NUP205: variants seen among roughly 807,000 people sequenced by gnomAD.
The protein encoded by NUP205 is nucleoporin 205.
Under a neutral mutation model 253.8 loss-of-function variants are expected in NUP205, and 76 were observed. The ratio of observed to expected loss-of-function variants is 0.30; its 90% CI spans 0.25 to 0.36. The LOEUF (loss-of-function observed/expected upper bound fraction) is 0.36, where lower values mean the gene tolerates loss of function less well. Among genes scored for constraint, NUP205 ranks in the 10% least tolerant of loss-of-function variants. The pLI, the probability that NUP205 is intolerant of heterozygous loss-of-function variation, is 1.00. For missense variants in NUP205, 2,162 were observed against 2,425.5 expected (o/e 0.89, Z 2.28); for synonymous variants, 832 against 850.1 (o/e 0.98, Z 0.37).
intron 20 of NUP205, 68 bp downstream of exon 20, chr7:135,606,294 C>A: frequency 2.0e-6 from 2 of 1,012,426 alleles, no homozygotes; most frequent in Non-Finnish European, 1.6e-6. Flanking sequence ...TTAAAGAAAA[C>A]ACTTGTAATT....
At position 135,573,768 on chromosome 7, in the gene NUP205, A is replaced by G. The variant is rs756260624; in HGVS notation, c.286A>G (p.Ile96Val). Residue 96 changes from isoleucine to valine, a missense_variant, in exon 3 of 43, where the codon ATT becomes GTT. This residue lies in a region of NUP205 where 109 missense variants were observed against 131.8 expected (regional missense o/e 0.83). Transcript: ENST00000285968. Reference sequence around the variant, plus strand: ...TGAACAGCTCATTAAAGAAGCCTTTATTCTCAGTGACCTTTTTGATATTGG... The same window carrying G: ...TGAACAGCTCATTAAAGAAGCCTTTGTTCTCAGTGACCTTTTTGATATTGG... ...LPEQLIKEAF[I>V]LSDLFDIGEL... 1 of 1,613,992 alleles carries G rather than the reference A, an allele frequency of 6.2e-7. No homozygotes were observed. The highest frequency in any genetic ancestry group is 1.1e-5 in the South Asian group (1 of 91,046).
Position 135,616,722 on chromosome 7 carries a change from A to G in NUP205, c.3528A>G (p.Thr1176=). Residue 1176 remains threonine, a synonymous_variant, in exon 25 of 43, where the codon ACA becomes ACG. Transcript: ENST00000285968. ...VSGFLHFDTA[T]KVRRKILNIL... ...GGTTCCTTCACTTTGACACTGCTACAAAAGGTAATGCCCTTTGAATTTGTA... is the reference window on the plus strand; with the variant it reads ...GGTTCCTTCACTTTGACACTGCTACGAAAGGTAATGCCCTTTGAATTTGTA... 6.5e-7 allele frequency: 1 copy of G among 1,545,290 alleles called. No homozygotes were observed. The highest frequency in any genetic ancestry group is 8.7e-7 in the Non-Finnish European group (1 of 1,146,066).
intron 8 of NUP205, among the ~76,000 whole-genome samples, chr7:135,585,843 G>C (rs1171228619): frequency 2.0e-5 from 3 of 152,090 alleles, no homozygotes; most frequent in Non-Finnish European, 4.4e-5. Context: ...TGCCTGGCCC[G>C]ATTGTTTAGA....
chr7:135,633,221 C>T (rs1794748134), intron 35 of NUP205, among the ~76,000 whole-genome samples: 1 of 151,524 alleles, frequency 6.6e-6, no homozygotes, highest in South Asian at 2.1e-4. Context: ...ACCTCAGTCT[C>T]CCAAAGTGCT....
At chr7:135,604,283 AT>A in intron 18 of NUP205, 56 bp from the exon 19 acceptor site, 1 of 1,506,024 alleles carries the variant, frequency 6.6e-7, no homozygotes, top group Non-Finnish European at 8.9e-7. Context: ...TTTATTGAGA[AT>A]AGTGAGACAC....
At chr7:135,590,222 C>T (rs1303511818) in intron 10 of NUP205, among the ~76,000 whole-genome samples, 1 of 150,956 alleles carries the variant, frequency 6.6e-6, no homozygotes, top group Non-Finnish European at 1.5e-5. Context: ...AGTGATTCTA[C>T]CGCCTCAGCC....
chr7:135,607,318 A>G lies in NUP205; in HGVS notation c.3142A>G (p.Thr1048Ala), dbSNP rs1303197628. ...NILEKGTEGRTGPVAVRESPQ... is the reference protein window; with the variant it reads ...NILEKGTEGRAGPVAVRESPQ... ...CTTGGAGAAAGGAACGGAAGGGAGA[A>G]CAGGCCCAGTGGCGGTGCGAGAATC... Residue 1048 changes from threonine to alanine, a missense_variant, in exon 22 of 43, where the codon ACA (threonine) becomes GCA (alanine). Physicochemically the swap from Thr to Ala is moderately conservative, Grantham distance 58 (BLOSUM62 0). Transcript: ENST00000285968. 1.2e-6 allele frequency: 2 copies of G among 1,614,036 alleles called. No individual in the cohort carries two copies. Among genetic ancestry groups the G allele is most frequent in the Non-Finnish European group, 1.7e-6 (2 of 1,179,992 alleles).
At position 135,643,229 on chromosome 7, in the gene NUP205, T is replaced by A; in HGVS notation, c.5430T>A (p.Pro1810=). 2 of 1,614,144 alleles carry A rather than the reference T, an allele frequency of 1.2e-6. No individual in the cohort carries two copies. Among genetic ancestry groups the A allele is most frequent in the Non-Finnish European group, 1.7e-6 (2 of 1,180,012 alleles). Residue 1810 remains proline (P), a synonymous_variant, in exon 39 of 43, where the codon CCT becomes CCA. Coordinates refer to ENST00000285968, the MANE Select transcript of NUP205 (RefSeq NM_015135.3). ...CAGTGGTTCCATACTGGCGCCTGCC[T>A]GGTTTAGGCATTATCATCTACCTGC... ...QAPVVPYWRL[P]GLGIIIYLLK...
Position 135,594,573 on chromosome 7 carries a change from T to C in NUP205, c.1857T>C (p.Cys619=). 6.2e-7 allele frequency: 1 copy of C among 1,609,322 alleles called. No individual in the cohort carries two copies. Among genetic ancestry groups the C allele is most frequent in the Non-Finnish European group, 8.5e-7 (1 of 1,178,384 alleles). The change falls in exon 13 of 43, where the codon TGT becomes TGC. Residue 619 remains cysteine (C), a synonymous_variant. Coordinates refer to ENST00000285968, the MANE Select transcript of NUP205 (RefSeq NM_015135.3). ...TWSENARLAL[C]EHPQWTPVVV... ...GTGAAAATGCTCGCTTGGCACTCTGTGAACACCCTCAGTGGACCCCTGTTG... is the reference window on the plus strand; with the variant it reads ...GTGAAAATGCTCGCTTGGCACTCTGCGAACACCCTCAGTGGACCCCTGTTG...
chr7:135,562,545 C>CTTTTTTTT (rs34482653), intron 1 of NUP205, among the ~76,000 whole-genome samples: 1 of 97,396 alleles, frequency 1.0e-5, no homozygotes, highest in Non-Finnish European at 1.9e-5. Flanking sequence ...GACCAAAATC[C>CTTTTTTTT]TTTTTTTTTT....
chr7:135,583,754 G>T (rs527719699), intron 7 of NUP205, among the ~76,000 whole-genome samples: 4 of 151,994 alleles, frequency 2.6e-5, no homozygotes, highest in Non-Finnish European at 5.9e-5. Context: ...GCGAGACCCT[G>T]TCTCAAAAAA....
intron 22 of NUP205, among the ~76,000 whole-genome samples, chr7:135,609,117 A>C (rs895140034): frequency 2.0e-5 from 3 of 151,188 alleles, no homozygotes; most frequent in Non-Finnish European, 3.0e-5. Flanking sequence ...AAAAAAAAAA[A>C]AAAAAAAGAA....
In NUP205 at chr7:135,593,101, A is replaced by G. The variant is rs1475878146; in HGVS notation, c.1739A>G (p.Gln580Arg). 1.9e-6 allele frequency: 3 copies of G among 1,614,058 alleles called. No homozygotes were observed. The highest frequency in any genetic ancestry group is 1.7e-5 in the Admixed American group (1 of 59,994). The change falls in exon 12 of 43, where the codon CAG becomes CGG. Residue 580 changes from glutamine to arginine, a missense_variant. Physicochemically the swap from Gln to Arg is conservative, Grantham distance 43. This residue lies in a region of NUP205 where 892 missense variants were observed against 957.1 expected (regional missense o/e 0.93). Transcript: ENST00000285968. Reference protein sequence around the residue: ...RKDLPSADSVQYRHLPSRGIT... With the variant: ...RKDLPSADSVRYRHLPSRGIT... ...GATCTTCCAAGTGCAGATAGTGTCC[A>G]GTACCGTCACCTTCCTTCCCGTGGC...
chr7:135,602,493 C>T (rs59843543), intron 17 of NUP205, among the ~76,000 whole-genome samples: 5,165 of 152,254 alleles, frequency 0.034, 119 homozygotes, highest in Middle Eastern at 0.1. Context: ...TCAGCCACCC[C>T]ATTCTGAGAA....
chr7:135,574,865 G>A (rs1806109027), intron 3 of NUP205, among the ~76,000 whole-genome samples: 1 of 152,178 alleles, frequency 6.6e-6, no homozygotes, highest in South Asian at 2.1e-4. Flanking sequence ...GGGCATGTTA[G>A]TTGAACAAAA....
chr7:135,563,911 C>G (rs1464119064), intron 1 of NUP205, among the ~76,000 whole-genome samples: 1 of 151,870 alleles, frequency 6.6e-6, no homozygotes, highest in African/African-American at 2.4e-5. Flanking sequence ...TTGCTTGAGC[C>G]CAGGAGTTTG....
intron 34 of NUP205, among the ~76,000 whole-genome samples, chr7:135,629,529 C>CTCTCTCTCTCTCTT (rs1794664991): frequency 7.8e-6 from 1 of 127,524 alleles, no homozygotes. Flanking sequence ...CTCTGTCTCT[C>CTCTCTCTCTCTCTT]TTTTTTTTTT....
chr7:135,634,822 A>G (rs1400806773), intron 35 of NUP205, among the ~76,000 whole-genome samples: 2 of 152,164 alleles, frequency 1.3e-5, no homozygotes, highest in African/African-American at 4.8e-5. Context: ...GAGCTAATCT[A>G]AAAAGAGGAG....
At position 135,607,294 on chromosome 7, in the gene NUP205, T is replaced by C. The variant is rs757659971; in HGVS notation, c.3118T>C (p.Leu1040=). Residue 1040 remains leucine (L), a synonymous_variant, in exon 22 of 43, where the codon TTG becomes CTG. Coordinates refer to ENST00000285968, the MANE Select transcript of NUP205 (RefSeq NM_015135.3). ...ATGCCTTCACGCCATTCTAAACATCTTGGAGAAAGGAACGGAAGGGAGAAC... is the reference window on the plus strand; with the variant it reads ...ATGCCTTCACGCCATTCTAAACATCCTGGAGAAAGGAACGGAAGGGAGAAC... ...RTCLHAILNI[L]EKGTEGRTGP... is the part of the protein sequence containing the mutation. The C allele has an allele frequency of 3.7e-6, 6 of 1,614,164 alleles. No homozygotes were observed. Among genetic ancestry groups the C allele is most frequent in the Non-Finnish European group, 5.1e-6 (6 of 1,179,992 alleles).
Sources: allele counts gnomAD v4.1 joint callset (sites outside exome capture counted in the v4.1 genomes callset), GRCh38; gene constraint gnomAD v4.1.1; regional missense constraint gnomAD v4.1.1; transcripts MANE v1.5; gene names NCBI Gene and HGNC (gene_info 2026-07-23, HGNC 2026-07-21).